ZFHX3: variants seen among roughly 807,000 people sequenced by gnomAD.
The protein encoded by ZFHX3 is zinc finger homeobox 3, also known as zinc finger homeobox protein 3.
Under a neutral mutation model 279.1 loss-of-function variants are expected in ZFHX3, and 42 were observed. The ratio of observed to expected loss-of-function variants is 0.15; its 90% CI spans 0.12 to 0.19. The LOEUF is 0.19. Among genes scored for constraint, ZFHX3 ranks in the 10% least tolerant of loss-of-function variants. The probability of loss-of-function intolerance (pLI) is 1.00; values close to 1 mark genes in which losing one functional copy is unlikely to be tolerated. For missense variants in ZFHX3, 4,981 were observed against 4,754.0 expected (o/e 1.05, Z -1.40); for synonymous variants, 2,293 against 1,957.8 (o/e 1.17, Z -4.52).
At chr16:73,368,351 A>G (rs1487748671) in intron 3 of ZFHX3, among the ~76,000 whole-genome samples, 1 of 152,188 alleles carries the variant, frequency 6.6e-6, no homozygotes, top group African/African-American at 2.4e-5. Context: ...CTCATTTTCC[A>G]AAGGTCACAG....
intron 3 of ZFHX3, among the ~76,000 whole-genome samples, chr16:73,347,499 G>A (rs750101443): frequency 1.8e-4 from 27 of 152,190 alleles, no homozygotes; most frequent in South Asian, 4.1e-4. Context: ...TCTCTGCACC[G>A]TCCTCACCCT....
chr16:73,524,351 A>G (rs905072817), intron 2 of ZFHX3, among the ~76,000 whole-genome samples: 2 of 152,232 alleles, frequency 1.3e-5, no homozygotes, highest in African/African-American at 4.8e-5. Context: ...CCTTCATTGA[A>G]CAGGTGATTC....
At chr16:73,662,794 C>T (rs2052799206) in intron 2 of ZFHX3, among the ~76,000 whole-genome samples, 1 of 152,206 alleles carries the variant, frequency 6.6e-6, no homozygotes, top group Admixed American at 6.5e-5. Flanking sequence ...TATAGACCCT[C>T]ATTTCCTGCA....
chr16:73,713,442 C>T (rs1461256521), intron 1 of ZFHX3, among the ~76,000 whole-genome samples: 1 of 152,154 alleles, frequency 6.6e-6, no homozygotes, highest in African/African-American at 2.4e-5. Context: ...TTTCCTCCTC[C>T]TCCTATTCTT....
chr16:73,878,737 A>G (rs2030037917), intron 1 of ZFHX3, among the ~76,000 whole-genome samples: 1 of 151,850 alleles, frequency 6.6e-6, no homozygotes. Flanking sequence ...GAGGGGGGAC[A>G]TTATCAAGGA....
At chr16:73,728,023 C>CA (rs1555535450) in intron 1 of ZFHX3, among the ~76,000 whole-genome samples, 2 of 109,164 alleles carry the variant, frequency 1.8e-5, no homozygotes, top group African/African-American at 3.3e-5. Context: ...GTGCCCCCCC[C>CA]CCGCCCCCAA....
intron 2 of ZFHX3, among the ~76,000 whole-genome samples, chr16:73,617,958 T>C (rs2052321934): frequency 6.6e-6 from 1 of 152,192 alleles, no homozygotes. Context: ...CATGAACCTC[T>C]GGCTCTGCAC....
At chr16:73,654,638 A>C (rs1311714157) in intron 2 of ZFHX3, among the ~76,000 whole-genome samples, 1 of 152,060 alleles carries the variant, frequency 6.6e-6, no homozygotes, top group Non-Finnish European at 1.5e-5. Flanking sequence ...TGTAAACCAA[A>C]TTATTGTTGT....
chr16:72,824,671 C>A (rs1355243053), intron 5 of ZFHX3, among the ~76,000 whole-genome samples: 2 of 152,174 alleles, frequency 1.3e-5, no homozygotes, highest in Non-Finnish European at 2.9e-5. Flanking sequence ...AATTAAATAA[C>A]CATCTTGCTA....
intron 2 of ZFHX3, among the ~76,000 whole-genome samples, chr16:73,606,524 A>G (rs1567531675): frequency 6.6e-6 from 1 of 151,076 alleles, no homozygotes; most frequent in African/African-American, 2.4e-5. Context: ...TCTTGGTCCT[A>G]GGGCCTCAGT....
chr16:73,114,769 C>G (rs1206600780), intron 7 of ZFHX3, among the ~76,000 whole-genome samples: 2 of 152,180 alleles, frequency 1.3e-5, no homozygotes, highest in African/African-American at 4.8e-5. Flanking sequence ...GAATGGCCAG[C>G]CTGTCTTTGA....
chr16:72,910,200 C>G (rs1333668336), intron 3 of ZFHX3, among the ~76,000 whole-genome samples: 2 of 152,168 alleles, frequency 1.3e-5, no homozygotes, highest in Admixed American at 6.5e-5. Context: ...CCACTTTGAA[C>G]GAACCTAGTG....
chr16:72,995,819 A>G (rs530008669), intron 1 of ZFHX3, among the ~76,000 whole-genome samples: 12 of 152,348 alleles, frequency 7.9e-5, no homozygotes, highest in African/African-American at 2.9e-4. Context: ...AAGATTATTA[A>G]GAGGGTCAAA....
At chr16:73,115,532 A>G (rs1966422137) in intron 7 of ZFHX3, among the ~76,000 whole-genome samples, 1 of 152,122 alleles carries the variant, frequency 6.6e-6, no homozygotes, top group Admixed American at 6.5e-5. Flanking sequence ...CCAGGGTGAC[A>G]GAATGAGACC....
intron 2 of ZFHX3, among the ~76,000 whole-genome samples, chr16:73,541,491 AT>A (rs1289865793): frequency 1.3e-5 from 2 of 152,002 alleles, no homozygotes; most frequent in Non-Finnish European, 2.9e-5. Flanking sequence ...TCTCAAAAAA[AT>A]AAAAATAAAA....
intron 2 of ZFHX3, among the ~76,000 whole-genome samples, chr16:73,633,564 G>A (rs567151664): frequency 2.0e-5 from 3 of 152,254 alleles, no homozygotes; most frequent in East Asian, 1.9e-4. Context: ...GGGTATATGC[G>A]GTTTGACTAC....
At chr16:73,161,264 G>A (rs1017100507) in intron 5 of ZFHX3, among the ~76,000 whole-genome samples, 4 of 151,986 alleles carry the variant, frequency 2.6e-5, no homozygotes, top group African/African-American at 9.7e-5. Flanking sequence ...GTGAGCCACC[G>A]CCCTGCCCAC....
intron 2 of ZFHX3, among the ~76,000 whole-genome samples, chr16:73,460,849 T>C (rs576670460): frequency 6.6e-6 from 1 of 152,306 alleles, no homozygotes; most frequent in African/African-American, 2.4e-5. Flanking sequence ...GCTCCTCCTC[T>C]GGCTACGTGA....
chr16:73,224,948 C>T (rs1328234935), intron 5 of ZFHX3, among the ~76,000 whole-genome samples: 1 of 152,122 alleles, frequency 6.6e-6, no homozygotes, highest in African/African-American at 2.4e-5. Flanking sequence ...CAATCACCTG[C>T]CTATCACCTT....
Sources: allele counts gnomAD v4.1 joint callset (sites outside exome capture counted in the v4.1 genomes callset), GRCh38; gene constraint gnomAD v4.1.1; transcripts MANE v1.5; gene names NCBI Gene and HGNC (gene_info 2026-07-23, HGNC 2026-07-21).